The following KCNIP4 variants were observed in gnomAD, a reference collection of about 807,000 sequenced individuals.
KCNIP4 encodes potassium voltage-gated channel interacting protein 4, also known as Kv channel-interacting protein 4.
KCNIP4 carries 12 observed loss-of-function variants against 34.0 expected under a neutral mutation model. That is an observed-to-expected ratio of 0.35 (90% CI 0.23 to 0.57). The LOEUF (loss-of-function observed/expected upper bound fraction) is 0.57, where lower values mean the gene tolerates loss of function less well. Ranked by LOEUF, KCNIP4 falls within the 20% of genes least tolerant of loss-of-function variation. The pLI, the probability that KCNIP4 is intolerant of heterozygous loss-of-function variation, is 0.83. For missense variants in KCNIP4, 238 were observed against 311.7 expected (o/e 0.76, Z 1.78); for synonymous variants, 124 against 102.2 (o/e 1.21, Z -1.29).
intron 1 of KCNIP4, among the ~76,000 whole-genome samples, chr4:21,678,075 C>T (rs1300044623): frequency 6.6e-6 from 1 of 152,114 alleles, no homozygotes; most frequent in Non-Finnish European, 1.5e-5. Flanking sequence ...TCTTGACCCT[C>T]CATAGTATGG....
intron 1 of KCNIP4, among the ~76,000 whole-genome samples, chr4:20,943,523 T>G (rs774447805): frequency 4.6e-5 from 7 of 152,314 alleles, no homozygotes; most frequent in Non-Finnish European, 8.8e-5. Flanking sequence ...GAATGCTTAT[T>G]ATGGGCCAGG....
At chr4:21,347,983 A>G (rs1056625669) in intron 1 of KCNIP4, among the ~76,000 whole-genome samples, 2 of 152,228 alleles carry the variant, frequency 1.3e-5, no homozygotes, top group African/African-American at 4.8e-5. Context: ...CTTAGGAGTC[A>G]TGCTCATACC....
chr4:21,422,671 G>GTC (rs1332038876), intron 1 of KCNIP4, among the ~76,000 whole-genome samples: 2 of 151,822 alleles, frequency 1.3e-5, no homozygotes, highest in Admixed American at 1.3e-4. Context: ...GTGTGTGTGT[G>GTC]TGTGTGTGTG....
intron 1 of KCNIP4, among the ~76,000 whole-genome samples, chr4:21,632,882 T>A (rs1745862993): frequency 6.6e-6 from 1 of 152,160 alleles, no homozygotes; most frequent in East Asian, 1.9e-4. Flanking sequence ...CATTAAAAAC[T>A]ATTCCATCCC....
intron 1 of KCNIP4, among the ~76,000 whole-genome samples, chr4:20,896,978 A>C (rs1404120712): frequency 1.3e-5 from 2 of 152,050 alleles, no homozygotes; most frequent in African/African-American, 4.8e-5. Context: ...TCCCAGGCAA[A>C]TTAGTCCACC....
intron 1 of KCNIP4, among the ~76,000 whole-genome samples, chr4:20,918,599 T>C (rs964022466): frequency 1.3e-5 from 2 of 152,216 alleles, no homozygotes; most frequent in African/African-American, 4.8e-5. Context: ...GGATTCCAGA[T>C]GCCGTACTAG....
At chr4:21,124,931 T>C (rs1443608350) in intron 1 of KCNIP4, among the ~76,000 whole-genome samples, 1 of 151,934 alleles carries the variant, frequency 6.6e-6, no homozygotes, top group Non-Finnish European at 1.5e-5. Flanking sequence ...GGGACTTTGA[T>C]ATGGGCAAAT....
chr4:20,870,845 C>T (rs1366898317), intron 2 of KCNIP4, among the ~76,000 whole-genome samples: 1 of 152,016 alleles, frequency 6.6e-6, no homozygotes, highest in African/African-American at 2.4e-5. Context: ...TTATCCTATC[C>T]CCACTAAATG....
intron 1 of KCNIP4, among the ~76,000 whole-genome samples, chr4:21,866,964 G>C (rs1354694166): frequency 6.6e-6 from 1 of 151,658 alleles, no homozygotes; most frequent in African/African-American, 2.4e-5. Flanking sequence ...GTAGAGACAG[G>C]GTTTCACCAT....
intron 1 of KCNIP4, among the ~76,000 whole-genome samples, chr4:21,069,125 G>A (rs80144710): frequency 0.24 from 35,936 of 151,908 alleles, 4,259 homozygotes; most frequent in Middle Eastern, 0.31. Context: ...GATAACTACT[G>A]TATAAATGTA....
At chr4:21,575,591 C>A (rs778252321) in intron 1 of KCNIP4, among the ~76,000 whole-genome samples, 1 of 151,950 alleles carries the variant, frequency 6.6e-6, no homozygotes, top group Non-Finnish European at 1.5e-5. Flanking sequence ...TTTAGATACA[C>A]GTTTTCTGTT....
At chr4:21,905,889 G>C (rs1727975572) in intron 1 of KCNIP4, among the ~76,000 whole-genome samples, 2 of 152,098 alleles carry the variant, frequency 1.3e-5, no homozygotes, top group African/African-American at 4.8e-5. Context: ...GGGCATTAGA[G>C]TGTGACATTA....
At chr4:21,749,376 C>T (rs1000608621) in intron 1 of KCNIP4, among the ~76,000 whole-genome samples, 8 of 152,114 alleles carry the variant, frequency 5.3e-5, no homozygotes, top group South Asian at 2.1e-4. Context: ...CCACGATGAT[C>T]GCTGTCTTTC....
At chr4:20,938,199 G>GTTTT in intron 1 of KCNIP4, among the ~76,000 whole-genome samples, 1 of 142,648 alleles carries the variant, frequency 7.0e-6, no homozygotes. Context: ...AATTTTGCTA[G>GTTTT]TTTTTTTTTT....
intron 1 of KCNIP4, among the ~76,000 whole-genome samples, chr4:21,181,600 T>G (rs946062916): frequency 1.3e-5 from 2 of 152,136 alleles, no homozygotes; most frequent in African/African-American, 4.8e-5. Context: ...GCTGTGAAGC[T>G]TCTCCATTTA....
At chr4:21,740,137 A>T (rs573963335) in intron 1 of KCNIP4, among the ~76,000 whole-genome samples, 1 of 152,222 alleles carries the variant, frequency 6.6e-6, no homozygotes, top group Non-Finnish European at 1.5e-5. Context: ...TATACACATG[A>T]ATACCTACAT....
chr4:21,696,427 C>A (rs1183886321), intron 1 of KCNIP4, among the ~76,000 whole-genome samples: 2 of 152,056 alleles, frequency 1.3e-5, no homozygotes, highest in Admixed American at 1.3e-4. Flanking sequence ...TTTCTTTACT[C>A]TTTTTTTCTC....
At chr4:21,366,293 C>A (rs1301179116) in intron 1 of KCNIP4, among the ~76,000 whole-genome samples, 1 of 152,148 alleles carries the variant, frequency 6.6e-6, no homozygotes, top group African/African-American at 2.4e-5. Context: ...CATACTCCAG[C>A]CTACAACCCG....
chr4:20,827,591 G>T (rs1035898801), intron 3 of KCNIP4, among the ~76,000 whole-genome samples: 1 of 152,130 alleles, frequency 6.6e-6, no homozygotes, highest in Non-Finnish European at 1.5e-5. Flanking sequence ...GCAGAATTCA[G>T]CATCCAACAC....
Sources: gnomAD v4.1 joint callset for allele counts (sites outside exome capture counted in the v4.1 genomes callset) on GRCh38, gnomAD v4.1.1 for gene constraint, MANE v1.5 for transcripts, NCBI Gene and HGNC (gene_info 2026-07-23, HGNC 2026-07-21) for gene names.